The following KIAA0825 variants were observed in gnomAD, a reference collection of about 807,000 sequenced individuals.
KIAA0825 encodes the protein KIAA0825, also known as uncharacterized protein KIAA0825.
A neutral mutation model predicts 147.6 loss-of-function variants in KIAA0825; 119 were observed. The observed-to-expected ratio is 0.81, with a 90% CI of 0.69 to 0.94. The LOEUF is 0.94. Among genes scored for constraint, KIAA0825 ranks in the 40% least tolerant of loss-of-function variants. The probability of loss-of-function intolerance (pLI) is 0.00; values close to 1 mark genes in which losing one functional copy is unlikely to be tolerated. For missense variants in KIAA0825, 1,381 were observed against 1,472.7 expected (o/e 0.94, Z 1.02); for synonymous variants, 470 against 518.1 (o/e 0.91, Z 1.26).
intron 2 of KIAA0825, among the ~76,000 whole-genome samples, chr5:94,550,901 C>T (rs1252080309): frequency 1.3e-5 from 2 of 149,258 alleles, no homozygotes; most frequent in Non-Finnish European, 3.0e-5. Context: ...TCACAAGGAA[C>T]TACATAAAAT....
chr5:94,198,074 A>G (rs986631755), intron 20 of KIAA0825, among the ~76,000 whole-genome samples: 1 of 152,154 alleles, frequency 6.6e-6, no homozygotes, highest in African/African-American at 2.4e-5. Flanking sequence ...ACATTTTAAT[A>G]ATATTGATTC....
intron 12 of KIAA0825, among the ~76,000 whole-genome samples, chr5:94,458,752 T>TTTA (rs1554284768): frequency 6.8e-6 from 1 of 147,754 alleles, no homozygotes; most frequent in Admixed American, 6.8e-5. Flanking sequence ...ACCTTTTTTT[T>TTTA]AAAAAAAAAA....
intron 3 of KIAA0825, among the ~76,000 whole-genome samples, chr5:94,524,913 C>A (rs893033447): frequency 6.6e-6 from 1 of 151,818 alleles, no homozygotes; most frequent in Non-Finnish European, 1.5e-5. Flanking sequence ...GATAAAATAA[C>A]AGATACACTA....
At chr5:94,422,918 T>G (rs189611395) in intron 14 of KIAA0825, among the ~76,000 whole-genome samples, 1 of 152,334 alleles carries the variant, frequency 6.6e-6, no homozygotes, top group East Asian at 1.9e-4. Context: ...GTCACACTTC[T>G]GGTCTCACCC....
chr5:94,267,793 T>G (rs961553976), intron 20 of KIAA0825, among the ~76,000 whole-genome samples: 3 of 152,188 alleles, frequency 2.0e-5, no homozygotes, highest in African/African-American at 7.2e-5. Context: ...TTTTCCCTCT[T>G]TGTTTCTGTA....
intron 20 of KIAA0825, among the ~76,000 whole-genome samples, chr5:94,329,035 A>G (rs1420493342): frequency 6.6e-6 from 1 of 152,128 alleles, no homozygotes; most frequent in Admixed American, 6.5e-5. Context: ...TCCTGAGACC[A>G]CACCAAGAAT....
intron 20 of KIAA0825, among the ~76,000 whole-genome samples, chr5:94,326,579 T>C (rs957122084): frequency 5.3e-5 from 8 of 152,152 alleles, no homozygotes; most frequent in Non-Finnish European, 1.0e-4. Context: ...GTGGTTATCT[T>C]TTCATCTTGG....
chr5:94,447,669 T>A (rs1017774700), intron 13 of KIAA0825, among the ~76,000 whole-genome samples: 13 of 152,120 alleles, frequency 8.5e-5, no homozygotes, highest in Non-Finnish European at 2.9e-5. Context: ...CACATCTTGC[T>A]AAACTAAATA....
At chr5:94,318,527 A>C (rs187436780) in intron 20 of KIAA0825, among the ~76,000 whole-genome samples, 2 of 152,076 alleles carry the variant, frequency 1.3e-5, no homozygotes, top group South Asian at 2.1e-4. Flanking sequence ...TTTCCTGTAG[A>C]AAATGCACAT....
intron 20 of KIAA0825, among the ~76,000 whole-genome samples, chr5:94,319,752 C>T (rs958163603): frequency 6.6e-6 from 1 of 151,954 alleles, no homozygotes; most frequent in East Asian, 1.9e-4. Flanking sequence ...TCTATTTCCA[C>T]TCTTTCTACC....
At chr5:94,453,890 T>C (rs1230662147) in intron 12 of KIAA0825, among the ~76,000 whole-genome samples, 1 of 151,996 alleles carries the variant, frequency 6.6e-6, no homozygotes, top group South Asian at 2.1e-4. Context: ...CTCTTTTTAA[T>C]CTTTAAAGTG....
chr5:94,211,792 C>T (rs1277483137), intron 20 of KIAA0825, among the ~76,000 whole-genome samples: 2 of 152,130 alleles, frequency 1.3e-5, no homozygotes, highest in Admixed American at 6.6e-5. Context: ...TCCAAGTGAA[C>T]ATTCTTCATT....
chr5:94,315,744 A>G (rs1215666467), intron 20 of KIAA0825, among the ~76,000 whole-genome samples: 1 of 151,734 alleles, frequency 6.6e-6, no homozygotes, highest in Non-Finnish European at 1.5e-5. Flanking sequence ...TTAGAGAACA[A>G]TGAAAATTAC....
intron 20 of KIAA0825, among the ~76,000 whole-genome samples, chr5:94,240,255 T>C (rs1775280115): frequency 6.6e-6 from 1 of 152,238 alleles, no homozygotes; most frequent in Non-Finnish European, 1.5e-5. Context: ...AAATAATGGC[T>C]GTTGTATTAG....
intron 20 of KIAA0825, among the ~76,000 whole-genome samples, chr5:94,203,972 C>T (rs1771926657): frequency 6.6e-6 from 1 of 151,926 alleles, no homozygotes. Context: ...AAACAGAATC[C>T]CACAACGTGA....
intron 1 of KIAA0825, among the ~76,000 whole-genome samples, chr5:94,598,352 C>T (rs996579809): frequency 3.3e-5 from 5 of 152,004 alleles, no homozygotes; most frequent in Admixed American, 2.6e-4. Context: ...CAGACTTCCA[C>T]CTCCACATTT....
At chr5:94,551,462 CAAGAG>C (rs1207623399) in intron 2 of KIAA0825, among the ~76,000 whole-genome samples, 2 of 151,872 alleles carry the variant, frequency 1.3e-5, no homozygotes, top group Non-Finnish European at 2.9e-5. Flanking sequence ...CTAAAAACGG[CAAGAG>C]AAAAGCATTA....
intron 20 of KIAA0825, among the ~76,000 whole-genome samples, chr5:94,363,493 G>T (rs1016730138): frequency 6.6e-6 from 1 of 152,142 alleles, no homozygotes; most frequent in African/African-American, 2.4e-5. Context: ...ATTATAAGGT[G>T]AGGCAGAGCA....
intron 1 of KIAA0825, among the ~76,000 whole-genome samples, chr5:94,596,919 T>C (rs1374792979): frequency 6.6e-6 from 1 of 152,190 alleles, no homozygotes; most frequent in African/African-American, 2.4e-5. Flanking sequence ...TTTTTATATG[T>C]TGATTTTGTA....
Sources: allele counts gnomAD v4.1 joint callset (sites outside exome capture counted in the v4.1 genomes callset), GRCh38; gene constraint gnomAD v4.1.1; transcripts MANE v1.5; gene names NCBI Gene and HGNC (gene_info 2026-07-23, HGNC 2026-07-21).